Variants in WWC2 observed in about 807,000 individuals in gnomAD.
WWC2 encodes the protein protein WWC2.
WWC2 carries 101 observed loss-of-function variants against 138.5 expected under a neutral mutation model. The ratio of observed to expected loss-of-function variants is 0.73; its 90% CI spans 0.62 to 0.86. The LOEUF (loss-of-function observed/expected upper bound fraction) is 0.86. Among genes scored for constraint, WWC2 ranks in the 40% least tolerant of loss-of-function variants. WWC2 has a pLI of 0.00. For missense variants in WWC2, 1,420 were observed against 1,419.4 expected (o/e 1.00, Z -0.01); for synonymous variants, 558 against 538.4 (o/e 1.04, Z -0.50).
At chr4:183,227,929 A>G (rs1736118551) in intron 4 of WWC2, among the ~76,000 whole-genome samples, 1 of 152,058 alleles carries the variant, frequency 6.6e-6, no homozygotes, top group Non-Finnish European at 1.5e-5. Flanking sequence ...TACAGGGCAA[A>G]TGAGTCTAAT....
chr4:183,240,383 A>ACC, intron 5 of WWC2, 121 bp downstream of exon 5: 3 of 633,428 alleles, frequency 4.7e-6, no homozygotes, highest in South Asian at 8.7e-5. Flanking sequence ...AAAAAAGTTC[A>ACC]GAGCTCTACA....
intron 1 of WWC2, among the ~76,000 whole-genome samples, chr4:183,108,996 C>T (rs1023671440): frequency 3.9e-5 from 6 of 152,142 alleles, no homozygotes; most frequent in Non-Finnish European, 7.4e-5. Context: ...ACTTTCCACA[C>T]TAATTTTGTG....
intron 1 of WWC2, among the ~76,000 whole-genome samples, chr4:183,136,441 G>GT (rs1733118033): frequency 6.6e-6 from 1 of 152,114 alleles, no homozygotes; most frequent in South Asian, 2.1e-4. Flanking sequence ...GATCTCATTG[G>GT]TTCATTTTCA....
intron 2 of WWC2, among the ~76,000 whole-genome samples, chr4:183,205,516 T>C (rs1184308866): frequency 1.3e-5 from 2 of 152,216 alleles, no homozygotes; most frequent in African/African-American, 4.8e-5. Context: ...GCTTTTTATG[T>C]TGGTAACATT....
chr4:183,263,143 C>CT (rs1466651928), intron 11 of WWC2, among the ~76,000 whole-genome samples: 6 of 152,206 alleles, frequency 3.9e-5, no homozygotes, highest in Admixed American at 3.9e-4. Context: ...ATGGAATGTT[C>CT]TGTGCCAGCG....
intron 1 of WWC2, among the ~76,000 whole-genome samples, chr4:183,115,042 T>C (rs992921768): frequency 1.3e-5 from 2 of 152,168 alleles, no homozygotes; most frequent in African/African-American, 4.8e-5. Flanking sequence ...CACTCTCAAA[T>C]AGGCTGTGAT....
rs183114622 is a variant in WWC2, at chr4:183,116,820, G to C, written c.131+17198G>C. ...TTTCTCAAATTAGGTTATAGGCTCT[G>C]TTTAGTTAAATCATGCACAATATTA... is the stretch of plus-strand genomic sequence containing the variant. On this transcript the variant is annotated intron_variant, in intron 1 of 22. Coordinates refer to ENST00000403733, the MANE Select transcript of WWC2 (RefSeq NM_024949.6). Among the ~76,000 whole-genome samples, 380 of 152,280 alleles carry C rather than the reference G, an allele frequency of 2.5e-3. 2 individuals carry two copies. Among genetic ancestry groups the C allele is most frequent in the Admixed American group, 6.0e-3 (92 of 15,304 alleles).
At chr4:183,259,813 C>A in intron 10 of WWC2, 85 bp downstream of exon 10, 3 of 946,466 alleles carry the variant, frequency 3.2e-6, no homozygotes, top group Non-Finnish European at 4.9e-6. Flanking sequence ...ACTTTATTTC[C>A]AACTACTTTA....
At chr4:183,260,488 G>A (rs1737288401) in intron 10 of WWC2, among the ~76,000 whole-genome samples, 1 of 152,182 alleles carries the variant, frequency 6.6e-6, no homozygotes, top group South Asian at 2.1e-4. Context: ...CCGTAAGATT[G>A]TAATACTGTA....
intron 15 of WWC2, 123 bp from the exon 16 acceptor site, chr4:183,270,955 TTG>T (rs1737676962): frequency 1.2e-6 from 1 of 831,150 alleles, no homozygotes; most frequent in Non-Finnish European, 1.7e-6. Flanking sequence ...GTCAGGAGAA[TTG>T]TGTTTTTTTT....
At chr4:183,293,757 A>G (rs987493145) in intron 21 of WWC2, among the ~76,000 whole-genome samples, 1 of 152,246 alleles carries the variant, frequency 6.6e-6, no homozygotes, top group Admixed American at 6.5e-5. Context: ...AATGATATCT[A>G]AAAGTCTGTT....
At chr4:183,279,597 A>G (rs902668390) in intron 16 of WWC2, among the ~76,000 whole-genome samples, 1 of 152,080 alleles carries the variant, frequency 6.6e-6, no homozygotes, top group Non-Finnish European at 1.5e-5. Flanking sequence ...CTGTGAATCC[A>G]TCTGGTCCTG....
At chr4:183,211,997 AT>A (rs375473460) in intron 4 of WWC2, among the ~76,000 whole-genome samples, 83 of 151,858 alleles carry the variant, frequency 5.5e-4, no homozygotes, top group African/African-American at 1.9e-3. Flanking sequence ...AATTTTTTGT[AT>A]TTTTGGTAGA....
Position 183,284,381 on chromosome 4 carries a change from C to T in WWC2, c.3039C>T (p.Tyr1013=). 6.2e-7 allele frequency: 1 copy of T among 1,612,264 alleles called. No homozygotes were observed. Among genetic ancestry groups the T allele is most frequent in the Non-Finnish European group, 8.5e-7 (1 of 1,179,764 alleles). The change falls in exon 19 of 23, where the codon TAC becomes TAT. Residue 1013 remains tyrosine, a synonymous_variant. Transcript: ENST00000403733. ...QTFSPGERNQ[Y]ICRLNRSDSD... ...TTTCTCCAGGAGAGCGGAACCAGTA[C>T]ATCTGCAGGGTAAGGTGGCAGTGCT...
At chr4:183,178,871 G>A (rs1216209234) in intron 1 of WWC2, among the ~76,000 whole-genome samples, 1 of 152,212 alleles carries the variant, frequency 6.6e-6, no homozygotes, top group African/African-American at 2.4e-5. Flanking sequence ...TGCTTCCTGA[G>A]GTTAACTTTA....
chr4:183,181,538 T>G (rs1399175362), intron 1 of WWC2, among the ~76,000 whole-genome samples: 1 of 152,186 alleles, frequency 6.6e-6, no homozygotes, highest in Non-Finnish European at 1.5e-5. Flanking sequence ...AGTACGGTAC[T>G]GTAAATGTAT....
In WWC2 at chr4:183,116,700, C is replaced by T. The variant is rs186479238; in HGVS notation, c.131+17078C>T. ...ACACATAATCTTCCAGTGCTTAATT[C>T]TTATGCTACCTGTTTTTAGCATCTG... On this transcript the variant is annotated intron_variant, in intron 1 of 22. Transcript: ENST00000403733. Among the ~76,000 whole-genome samples the T allele has an allele frequency of 6.6e-3, 1,000 of 152,352 alleles. 3 individuals are homozygous for T. The highest frequency in any genetic ancestry group is 0.01 in the Non-Finnish European group (702 of 68,034).
chr4:183,282,715 A>T lies in WWC2; in HGVS notation c.2692A>T (p.Met898Leu). ...PRGPDGDWLT[M>L]LREASDEIVA... Reference sequence around the variant, plus strand: ...GTTTTTGTTTTACCATAGGCTAACAATGCTAAGAGAGGCCTCTGATGAAAT... The same window carrying T: ...GTTTTTGTTTTACCATAGGCTAACATTGCTAAGAGAGGCCTCTGATGAAAT... The change falls in exon 18 of 23, where the codon ATG becomes TTG. Residue 898 changes from methionine (M) to leucine (L), a missense_variant. Coordinates refer to ENST00000403733, the MANE Select transcript of WWC2 (RefSeq NM_024949.6). 6 of 1,568,128 alleles carry T rather than the reference A, an allele frequency of 3.8e-6. No individual in the cohort carries two copies. Among genetic ancestry groups the T allele is most frequent in the Non-Finnish European group, 5.2e-6 (6 of 1,155,624 alleles).
At chr4:183,184,265 A>G (rs1020977451) in intron 1 of WWC2, among the ~76,000 whole-genome samples, 3 of 152,190 alleles carry the variant, frequency 2.0e-5, no homozygotes, top group African/African-American at 7.2e-5. Flanking sequence ...TTCACTTAGC[A>G]TAATGTTTTG....
Sources: allele counts gnomAD v4.1 joint callset (sites outside exome capture counted in the v4.1 genomes callset), GRCh38; gene constraint gnomAD v4.1.1; transcripts MANE v1.5; gene names NCBI Gene and HGNC (gene_info 2026-07-23, HGNC 2026-07-21).